LRRFIP1: variants seen among roughly 807,000 people sequenced by gnomAD.
The protein encoded by LRRFIP1 is leucine-rich repeat flightless-interacting protein 1.
In LRRFIP1, 62 loss-of-function variants were observed where a neutral mutation model predicts 104.4. The ratio of observed to expected loss-of-function variants is 0.59; its 90% CI spans 0.48 to 0.73. The LOEUF (loss-of-function observed/expected upper bound fraction) is 0.73, where lower values mean the gene tolerates loss of function less well. LRRFIP1 is among the 30% of genes least tolerant of loss of function. The pLI, the probability that LRRFIP1 is intolerant of heterozygous loss-of-function variation, is 0.00. For synonymous variants in LRRFIP1, 300 were observed against 299.0 expected (o/e 1.00, Z -0.03); for missense variants, 796 against 824.5 (o/e 0.97, Z 0.42).
intron 1 of LRRFIP1, among the ~76,000 whole-genome samples, chr2:237,671,624 A>C (rs1294226783): frequency 5.9e-5 from 9 of 152,050 alleles, no homozygotes; most frequent in Non-Finnish European, 1.0e-4. Flanking sequence ...GGAGTGGCTC[A>C]GGAGCTCTCA....
At chr2:237,751,714 G>A (rs766589548) in intron 14 of LRRFIP1, among the ~76,000 whole-genome samples, 27 of 152,192 alleles carry the variant, frequency 1.8e-4, no homozygotes, top group Non-Finnish European at 3.2e-4. Flanking sequence ...CCACACTTTT[G>A]AAACATCCCA....
chr2:237,702,738 G>C (rs1421305755), intron 1 of LRRFIP1, among the ~76,000 whole-genome samples: 1 of 152,172 alleles, frequency 6.6e-6, no homozygotes, highest in African/African-American at 2.4e-5. Context: ...TGCACGGCAG[G>C]GGCCCTTATC....
chr2:237,714,375 C>T, intron 3 of LRRFIP1, 99 bp downstream of exon 3: 1 of 920,098 alleles, frequency 1.1e-6, no homozygotes, highest in African/African-American at 1.7e-5. Flanking sequence ...ACTGAAGATA[C>T]ATAGAAGTTC....
chr2:237,712,164 A>G (rs976193602), intron 2 of LRRFIP1, among the ~76,000 whole-genome samples: 1 of 152,218 alleles, frequency 6.6e-6, no homozygotes, highest in Non-Finnish European at 1.5e-5. Context: ...CAGGTGAGGA[A>G]AACAGGCCTT....
At chr2:237,638,156 C>G (rs1490594647) in intron 1 of LRRFIP1, among the ~76,000 whole-genome samples, 1 of 152,148 alleles carries the variant, frequency 6.6e-6, no homozygotes, top group African/African-American at 2.4e-5. Context: ...ATACAATTCA[C>G]CATAATGTAG....
In LRRFIP1 at chr2:237,775,372, C is replaced by T. The variant is rs191071276; in HGVS notation, c.1812+910C>T. On this transcript the variant is annotated intron_variant, in intron 23 of 23. Transcript: ENST00000308482. ...CAAGGAACAGTCAGAGCGGTGGAGG[C>T]CAAGTGAGCAGGGGGTGAGGGGGTG... Among the ~76,000 whole-genome samples, 20 of 152,286 alleles carry T rather than the reference C, an allele frequency of 1.3e-4. No homozygotes were observed. In the East Asian group the frequency reaches 3.7e-3, roughly 28 times the overall value.
chr2:237,776,557 T>G (rs1200882121), intron 23 of LRRFIP1, among the ~76,000 whole-genome samples: 1 of 152,228 alleles, frequency 6.6e-6, no homozygotes, highest in African/African-American at 2.4e-5. Context: ...TGGATTTATC[T>G]CATTCTCCCT....
chr2:237,754,795 C>G (rs879283880), intron 15 of LRRFIP1, among the ~76,000 whole-genome samples: 22 of 152,194 alleles, frequency 1.4e-4, no homozygotes, highest in Admixed American at 5.2e-4. Context: ...CAGCCCAGCC[C>G]CCCTTCGGGT....
chr2:237,724,556 T>G (rs1340049653), intron 7 of LRRFIP1, among the ~76,000 whole-genome samples: 1 of 152,148 alleles, frequency 6.6e-6, no homozygotes, highest in Non-Finnish European at 1.5e-5. Context: ...GGGCGTTAGA[T>G]TCAGAAAGCG....
At chr2:237,737,279 C>G (rs1444954547) in intron 10 of LRRFIP1, among the ~76,000 whole-genome samples, 1 of 152,188 alleles carries the variant, frequency 6.6e-6, no homozygotes, top group African/African-American at 2.4e-5. Flanking sequence ...ACCCCCTTTC[C>G]TAGTCCTCAG....
intron 1 of LRRFIP1, among the ~76,000 whole-genome samples, chr2:237,670,548 GGT>G (rs2090172859): frequency 1.3e-5 from 2 of 152,322 alleles, no homozygotes; most frequent in South Asian, 4.1e-4. Flanking sequence ...TTTCCACATT[GGT>G]GCTGTGCAGA....
At position 237,753,462 on chromosome 2, in the gene LRRFIP1, T is replaced by A; in HGVS notation, c.1021T>A (p.Tyr341Asn). The A allele has an allele frequency of 6.3e-7, 1 of 1,589,052 alleles. No homozygotes were observed. Among genetic ancestry groups the A allele is most frequent in the Non-Finnish European group, 8.5e-7 (1 of 1,174,086 alleles). Reference protein sequence around the residue: ...EEQLAESRRQYEEKNKEFERE... With the variant: ...EEQLAESRRQNEEKNKEFERE... The stretch of plus-strand genomic sequence containing the variant: ...ACAGCTGGCTGAATCTAGGCGGCAG[T>A]ACGAAGAGAAAAACAAAGTAAGCAT... The change falls in exon 15 of 24, where the codon TAC becomes AAC. Residue 341 changes from tyrosine to asparagine, a missense_variant. Tyr to Asn is a moderately radical substitution (Grantham distance 143). Transcript: ENST00000308482.
At chr2:237,639,950 G>A (rs984023401) in intron 1 of LRRFIP1, among the ~76,000 whole-genome samples, 1 of 152,116 alleles carries the variant, frequency 6.6e-6, no homozygotes, top group African/African-American at 2.4e-5. Context: ...TGGCCCATGG[G>A]GAACAAGATA....
chr2:237,647,450 G>C (rs949459642), intron 1 of LRRFIP1, among the ~76,000 whole-genome samples: 11 of 152,124 alleles, frequency 7.2e-5, no homozygotes, highest in Admixed American at 6.5e-4. Context: ...GGAGAAAAGG[G>C]GAAAAAGAGC....
At chr2:237,685,415 C>A (rs34757503) in intron 1 of LRRFIP1, among the ~76,000 whole-genome samples, 1 of 152,112 alleles carries the variant, frequency 6.6e-6, no homozygotes, top group Admixed American at 6.5e-5. Flanking sequence ...TGTAATGTAA[C>A]GCCATGGAAG....
At chr2:237,643,654 G>T (rs1162102495) in intron 1 of LRRFIP1, among the ~76,000 whole-genome samples, 1 of 152,204 alleles carries the variant, frequency 6.6e-6, no homozygotes, top group African/African-American at 2.4e-5. Context: ...AGCCCGGTGG[G>T]TCTGCACTTG....
rs369111726 is a variant in LRRFIP1, at chr2:237,725,076, C to T, written c.384+1490C>T. On this transcript the variant is annotated intron_variant, in intron 7 of 23. Coordinates refer to ENST00000308482, the MANE Select transcript of LRRFIP1 (RefSeq NM_001137550.2). ...AGCATTCGGACTAGTCACAAGTTACCGTTTTCATAGGGCATTTACCCTTGT... is the reference window on the plus strand; with the variant it reads ...AGCATTCGGACTAGTCACAAGTTACTGTTTTCATAGGGCATTTACCCTTGT... 1.9e-3 allele frequency among the ~76,000 whole-genome samples: 288 copies of T among 152,294 alleles called. 3 individuals carry two copies. The highest frequency in any genetic ancestry group is 6.7e-3 in the African/African-American group (278 of 41,544).
intron 4 of LRRFIP1, among the ~76,000 whole-genome samples, chr2:237,718,714 A>G (rs2094433576): frequency 6.6e-6 from 1 of 152,238 alleles, no homozygotes; most frequent in Non-Finnish European, 1.5e-5. Context: ...TATACATAAA[A>G]TGATCTGAGG....
At chr2:237,775,029 C>T (rs903115238) in intron 23 of LRRFIP1, among the ~76,000 whole-genome samples, 12 of 152,390 alleles carry the variant, frequency 7.9e-5, no homozygotes, top group Admixed American at 6.5e-4. Context: ...ATTTACAGCA[C>T]CCGTTGCATG....
Sources: allele counts gnomAD v4.1 joint callset (sites outside exome capture counted in the v4.1 genomes callset), GRCh38; gene constraint gnomAD v4.1.1; transcripts MANE v1.5; gene names NCBI Gene and HGNC (gene_info 2026-07-23, HGNC 2026-07-21).